Variants in ARHGAP40 observed in about 807,000 individuals in gnomAD.
The protein encoded by ARHGAP40 is Rho GTPase activating protein 40.
Under a neutral mutation model 73.5 loss-of-function variants are expected in ARHGAP40, and 43 were observed. The observed-to-expected ratio is 0.58, with a 90% confidence interval of 0.46 to 0.75. ARHGAP40 has a LOEUF of 0.75. ARHGAP40 is among the 30% of genes least tolerant of loss of function. The probability of loss-of-function intolerance (pLI) is 0.00; values close to 1 mark genes in which losing one functional copy is unlikely to be tolerated. For synonymous variants in ARHGAP40, 300 were observed against 352.8 expected (o/e 0.85, Z 1.68); for missense variants, 734 against 861.8 (o/e 0.85, Z 1.86).
At chr20:38,623,486 G>A in exon 2 of ARHGAP40, 1 of 1,290,928 alleles carries the variant, frequency 7.7e-7, no homozygotes, top group Non-Finnish European at 1.0e-6. Context: ...TTGGATGGAG[G>A]TGGAACAGAT....
chr20:38,614,880 TC>T, intron 1 of ARHGAP40: 7 of 1,236,556 alleles, frequency 5.7e-6, no homozygotes, highest in South Asian at 1.2e-5. Context: ...GAGCGTCACA[TC>T]CCCCAGCAAG....
intron 1 of ARHGAP40, among the ~76,000 whole-genome samples, chr20:38,612,258 T>A (rs1163897713): frequency 1.3e-5 from 2 of 152,196 alleles, no homozygotes; most frequent in African/African-American, 2.4e-5. Flanking sequence ...TAATATATAT[T>A]TAGATTTCAT....
In ARHGAP40 at chr20:38,648,622, T is replaced by C. The variant is rs373354801; in HGVS notation, c.1881-21T>C. 9.6e-5 allele frequency: 125 copies of C among 1,296,776 alleles called. No individual in the cohort carries two copies. The African/African-American group carries it at 1.4e-3, about 15-fold the overall frequency. 80.3% of individuals were successfully genotyped at this position (1,296,776 alleles called of 1,614,324 possible). A position where few individuals can be genotyped will look rare whatever the true frequency, so the allele number is the denominator to read the frequency against. On this transcript the variant is annotated intron_variant, in intron 13 of 14. Transcript: ENST00000373345. Reference sequence around the variant, plus strand: ...GAAGAAAAAGGCAGTAGTTTTTTTTTTCTCTCTCTCTGTTTTACAGCCATA... The same window carrying C: ...GAAGAAAAAGGCAGTAGTTTTTTTTCTCTCTCTCTCTGTTTTACAGCCATA...
intron 3 of ARHGAP40, among the ~76,000 whole-genome samples, chr20:38,628,393 C>T (rs571911829): frequency 3.2e-4 from 48 of 152,246 alleles, no homozygotes; most frequent in African/African-American, 1.1e-3. Flanking sequence ...CAAGCTCCGC[C>T]TCCCGGGTTC....
chr20:38,641,601 ATG>A, intron 9 of ARHGAP40, 123 bp from the exon 10 acceptor site: 1 of 585,034 alleles, frequency 1.7e-6, no homozygotes, highest in Non-Finnish European at 2.6e-6. Flanking sequence ...CCCACACCTT[ATG>A]AAAAAAGGGA....
At chr20:38,630,080 C>G (rs867287595) in intron 5 of ARHGAP40, among the ~76,000 whole-genome samples, 1 of 74,578 alleles carries the variant, frequency 1.3e-5, no homozygotes, top group African/African-American at 4.1e-5. Flanking sequence ...TTCTTTCTTT[C>G]TTTTTCTTTC....
intron 11 of ARHGAP40, 47 bp from the exon 12 acceptor site, chr20:38,646,000 C>T (rs761261235): frequency 2.4e-6 from 3 of 1,257,076 alleles, no homozygotes; most frequent in Non-Finnish European, 3.1e-6. Flanking sequence ...TGCCTCTCGC[C>T]CCCAGAAGTC....
chr20:38,627,329 TGTGTTGGTGTGTGG>T, intron 3 of ARHGAP40, 114 bp downstream of exon 3: 2 of 888,982 alleles, frequency 2.2e-6, no homozygotes, highest in Non-Finnish European at 3.1e-6. Context: ...TGTGTATGTG[TGTGTTGGTGTGTGG>T]GTGTTGGTAT....
intron 6 of ARHGAP40, among the ~76,000 whole-genome samples, chr20:38,636,621 T>G (rs763510632): frequency 1.3e-5 from 2 of 152,196 alleles, no homozygotes; most frequent in African/African-American, 4.8e-5. Context: ...TCTAATATAT[T>G]TAACCATTTC....
chr20:38,619,207 A>G (rs915377433), intron 1 of ARHGAP40, among the ~76,000 whole-genome samples: 1 of 152,182 alleles, frequency 6.6e-6, no homozygotes, highest in Non-Finnish European at 1.5e-5. Context: ...GGTCAGTCCA[A>G]TGCCTTCGTA....
chr20:38,637,409 A>AAAGT (rs1407146801), intron 6 of ARHGAP40, among the ~76,000 whole-genome samples: 2 of 152,048 alleles, frequency 1.3e-5, no homozygotes, highest in Non-Finnish European at 2.9e-5. Context: ...TCAGCCTCCC[A>AAAGT]AAGTGCTGGG....
chr20:38,626,393 C>T (rs2088898893), intron 2 of ARHGAP40, among the ~76,000 whole-genome samples: 1 of 152,228 alleles, frequency 6.6e-6, no homozygotes, highest in South Asian at 2.1e-4. Context: ...ATTCGAAGTG[C>T]AGATTCTCAG....
rs1219383999 is a variant in ARHGAP40, at chr20:38,638,844, G to T, written c.1119+6G>T. 7.7e-7 allele frequency: 1 copy of T among 1,305,380 alleles called. No individual in the cohort carries two copies. Among genetic ancestry groups the T allele is most frequent in the Non-Finnish European group, 1.0e-6 (1 of 988,926 alleles). The allele number at this position is 1,305,380 out of a possible 1,614,324, so 80.9% of individuals were successfully genotyped here. On this transcript the variant is annotated splice_donor_region_variant and intron_variant, in intron 8 of 14. Transcript: ENST00000373345. Reference sequence around the variant, plus strand: ...GATCCCAGGCCAGGGTCAAGGTAATGGTTTGGCTTCCTGGCTTCACTGAGG... The same window carrying T: ...GATCCCAGGCCAGGGTCAAGGTAATTGTTTGGCTTCCTGGCTTCACTGAGG...
chr20:38,643,826 C>T (rs1171189330), exon 11 of ARHGAP40: 17 of 1,305,534 alleles, frequency 1.3e-5, no homozygotes, highest in Non-Finnish European at 1.7e-5. Context: ...CCCCCAAGCT[C>T]CCCAAAGGCA....
chr20:38,615,282 A>G, intron 1 of ARHGAP40: 1 of 770,938 alleles, frequency 1.3e-6, no homozygotes, highest in Admixed American at 1.7e-5. Flanking sequence ...ATGTTCATCC[A>G]CTCCGGAGGG....
intron 1 of ARHGAP40, among the ~76,000 whole-genome samples, chr20:38,617,863 C>T (rs1474247798): frequency 2.0e-5 from 3 of 152,136 alleles, no homozygotes; most frequent in African/African-American, 7.2e-5. Context: ...ATTCTAAGCA[C>T]CTTAGGTGTA....
chr20:38,603,422 T>A (rs1420624606), intron 1 of ARHGAP40, among the ~76,000 whole-genome samples: 2 of 119,030 alleles, frequency 1.7e-5, no homozygotes, highest in African/African-American at 2.7e-5. Context: ...TCTATCTATC[T>A]ATCTATCTAT....
chr20:38,644,088 G>A (rs2089037112), intron 11 of ARHGAP40, among the ~76,000 whole-genome samples, 178 bp downstream of exon 11: 1 of 152,166 alleles, frequency 6.6e-6, no homozygotes, highest in Non-Finnish European at 1.5e-5. Context: ...AAGAAGAAGT[G>A]TCTTCACTTT....
chr20:38,640,085 G>T (rs1401567316), intron 9 of ARHGAP40, among the ~76,000 whole-genome samples: 1 of 110,894 alleles, frequency 9.0e-6, no homozygotes, highest in African/African-American at 3.8e-5. Flanking sequence ...GGTTGTTGTT[G>T]TTGTTCTTCT....
Sources: allele counts gnomAD v4.1 joint callset (sites outside exome capture counted in the v4.1 genomes callset), GRCh38; gene constraint gnomAD v4.1.1; transcripts MANE v1.5; gene names NCBI Gene and HGNC (gene_info 2026-07-23, HGNC 2026-07-21).